PTPRD: variants seen among roughly 807,000 people sequenced by gnomAD.
PTPRD encodes receptor-type tyrosine-protein phosphatase delta.
In PTPRD, 34 loss-of-function variants were observed where a neutral mutation model predicts 214.5. The ratio of observed to expected loss-of-function variants is 0.16; its 90% CI spans 0.12 to 0.21. The LOEUF is 0.21. Ranked by LOEUF, PTPRD falls within the 10% of genes least tolerant of loss-of-function variation. PTPRD has a pLI of 1.00. For synonymous variants in PTPRD, 1,128 were observed against 845.7 expected (o/e 1.33, Z -5.79); for missense variants, 2,545 against 2,398.7 (o/e 1.06, Z -1.27).
At chr9:8,446,052 T>G (rs564538640) in intron 34 of PTPRD, among the ~76,000 whole-genome samples, 1 of 152,256 alleles carries the variant, frequency 6.6e-6, no homozygotes, top group Non-Finnish European at 1.5e-5. Context: ...GAAAATGTGC[T>G]AAAGCAATGT....
chr9:9,067,286 T>G (rs1338344225), intron 10 of PTPRD, among the ~76,000 whole-genome samples: 1 of 152,236 alleles, frequency 6.6e-6, no homozygotes, highest in Non-Finnish European at 1.5e-5. Context: ...CTGTAAGAAT[T>G]TTCAACTGTA....
At chr9:8,763,451 T>C (rs550948001) in intron 11 of PTPRD, among the ~76,000 whole-genome samples, 3 of 151,794 alleles carry the variant, frequency 2.0e-5, no homozygotes, top group African/African-American at 4.8e-5. Context: ...GAGGAGGAGG[T>C]TGCAGTAGCC....
At chr9:10,229,880 A>G (rs1417111811) in intron 3 of PTPRD, among the ~76,000 whole-genome samples, 4 of 151,990 alleles carry the variant, frequency 2.6e-5, no homozygotes, top group Non-Finnish European at 5.9e-5. Context: ...ACAAAACAAG[A>G]AAAAAAGAAA....
At chr9:10,277,677 G>C (rs549442273) in intron 3 of PTPRD, among the ~76,000 whole-genome samples, 10 of 152,288 alleles carry the variant, frequency 6.6e-5, no homozygotes, top group African/African-American at 2.4e-4. Flanking sequence ...CTACAGTAAA[G>C]AAATCCTCAT....
intron 6 of PTPRD, among the ~76,000 whole-genome samples, chr9:9,740,513 A>G (rs541336978): frequency 2.7e-5 from 3 of 113,138 alleles, no homozygotes; most frequent in South Asian, 2.5e-4. Flanking sequence ...GCCCGCCACC[A>G]CGCCCGGCTA....
chr9:8,450,707 C>A (rs960108010), intron 33 of PTPRD, among the ~76,000 whole-genome samples: 40 of 152,156 alleles, frequency 2.6e-4, no homozygotes, highest in African/African-American at 9.7e-4. Flanking sequence ...TAACAAATTT[C>A]TAAGCAAGAA....
chr9:9,233,316 C>A (rs1042354197), intron 9 of PTPRD, among the ~76,000 whole-genome samples: 4 of 152,104 alleles, frequency 2.6e-5, no homozygotes, highest in Non-Finnish European at 5.9e-5. Context: ...ATCATGAGAA[C>A]AATATGGGGG....
intron 8 of PTPRD, among the ~76,000 whole-genome samples, chr9:9,510,579 T>TA (rs1410257409): frequency 3.3e-5 from 5 of 151,396 alleles, no homozygotes; most frequent in East Asian, 2.0e-4. Context: ...GCTTCTGCTT[T>TA]AAAAAAAGTT....
rs1217470478 is a variant in PTPRD, at chr9:10,060,827, T to TCTTTCTTC, written c.-544-27038_-544-27037insGAAGAAAG. 2.8e-4 allele frequency among the ~76,000 whole-genome samples: 33 copies of TCTTTCTTC among 119,786 alleles called. 1 individual carries two copies. The highest frequency in any genetic ancestry group is 5.4e-4 in the Admixed American group (7 of 13,054). 78.6% of individuals were successfully genotyped at this position (119,786 alleles called of 152,430 possible). A position where few individuals can be genotyped will look rare whatever the true frequency, so the allele number is the denominator to read the frequency against. ...TCCTTTCTTTCTTTCTTTCTTTCTT[T>TCTTTCTTC]CTTCCTTCCTTCCTTCCTTTCCTTT... On this transcript the variant is annotated intron_variant, in intron 3 of 45. Transcript: ENST00000381196.
chr9:10,036,392 A>C (rs1462516256), intron 3 of PTPRD, among the ~76,000 whole-genome samples: 1 of 151,990 alleles, frequency 6.6e-6, no homozygotes, highest in South Asian at 2.1e-4. Flanking sequence ...CTTATTAAGC[A>C]TCAAGTTTAT....
intron 7 of PTPRD, among the ~76,000 whole-genome samples, chr9:9,604,762 C>A (rs1311363257): frequency 6.6e-6 from 1 of 151,872 alleles, no homozygotes; most frequent in Non-Finnish European, 1.5e-5. Context: ...TCATCCATTT[C>A]TATGGCTAAA....
At chr9:8,378,964 C>G (rs927390539) in intron 37 of PTPRD, among the ~76,000 whole-genome samples, 5 of 151,932 alleles carry the variant, frequency 3.3e-5, no homozygotes, top group African/African-American at 1.2e-4. Context: ...CAAACTGCAA[C>G]TATTATTGGC....
chr9:10,194,365 G>C (rs1225300712), intron 3 of PTPRD, among the ~76,000 whole-genome samples: 1 of 26,194 alleles, frequency 3.8e-5, no homozygotes. Context: ...GAGAGAGAGA[G>C]AGAGAGAGAG....
chr9:9,164,429 A>G (rs932217170), intron 10 of PTPRD, among the ~76,000 whole-genome samples: 3 of 152,052 alleles, frequency 2.0e-5, no homozygotes, highest in African/African-American at 4.8e-5. Context: ...AATCCAAGGT[A>G]CTCTTCTGAT....
intron 10 of PTPRD, among the ~76,000 whole-genome samples, chr9:9,051,195 A>G (rs2099684720): frequency 6.6e-6 from 1 of 151,580 alleles, no homozygotes; most frequent in African/African-American, 2.4e-5. Flanking sequence ...CATGTACACC[A>G]CAAATATTTA....
At chr9:8,723,320 A>G (rs1309279668) in intron 12 of PTPRD, among the ~76,000 whole-genome samples, 2 of 152,154 alleles carry the variant, frequency 1.3e-5, no homozygotes, top group African/African-American at 2.4e-5. Context: ...CTTCCTTGAC[A>G]TATGACAAAC....
intron 3 of PTPRD, among the ~76,000 whole-genome samples, chr9:10,208,751 A>T (rs1350384931): frequency 6.6e-6 from 1 of 152,230 alleles, no homozygotes; most frequent in Non-Finnish European, 1.5e-5. Flanking sequence ...GCTAGAAATA[A>T]GTAGAAAAAC....
intron 14 of PTPRD, among the ~76,000 whole-genome samples, chr9:8,562,364 GTAT>G (rs2086735195): frequency 6.6e-6 from 1 of 151,822 alleles, no homozygotes; most frequent in Admixed American, 6.6e-5. Context: ...AAAAAATTAA[GTAT>G]TTTTTGAAAA....
At chr9:9,071,059 A>G (rs752032586) in intron 10 of PTPRD, among the ~76,000 whole-genome samples, 8 of 152,148 alleles carry the variant, frequency 5.3e-5, no homozygotes, top group Non-Finnish European at 1.0e-4. Context: ...GACCACAGGC[A>G]TGCACCACCA....
Sources: allele counts gnomAD v4.1 joint callset (sites outside exome capture counted in the v4.1 genomes callset), GRCh38; gene constraint gnomAD v4.1.1; transcripts MANE v1.5; gene names NCBI Gene and HGNC (gene_info 2026-07-23, HGNC 2026-07-21).